PPARA: variants seen among roughly 807,000 people sequenced by gnomAD.
The protein encoded by PPARA is peroxisome proliferator activated receptor alpha.
PPARA carries 22 observed loss-of-function variants against 42.2 expected under a neutral mutation model. The ratio of observed to expected loss-of-function variants is 0.52; its 90% CI spans 0.37 to 0.74. The LOEUF (loss-of-function observed/expected upper bound fraction) is 0.74. Among genes scored for constraint, PPARA ranks in the 30% least tolerant of loss-of-function variants. The probability of loss-of-function intolerance (pLI) is 0.00; values close to 1 mark genes in which losing one functional copy is unlikely to be tolerated. For missense variants in PPARA, 465 were observed against 608.2 expected, an observed-to-expected ratio of 0.76 and a Z score of 2.48; for synonymous variants, 242 against 239.3, an observed-to-expected ratio of 1.01 and a Z score of -0.10.
rs1003821998 is a variant in PPARA, at chr22:46,216,441, G to T, written c.369+1108G>T. ...CCACATTAAGAACATCACTTCATTC[G>T]AATACAAGACAGAGAGCTGTTACCG... On this transcript the variant is annotated intron_variant, in intron 5 of 8. Coordinates refer to ENST00000407236, the MANE Select transcript of PPARA (RefSeq NM_005036.6). This position sits in a 1 kb window ranked among gnomAD's most constrained non-coding sequence, Gnocchi z 4.5. Among the ~76,000 whole-genome samples the T allele has an allele frequency of 6.6e-6, 1 of 151,824 alleles. No individual in the cohort carries two copies. The highest frequency in any genetic ancestry group is 1.5e-5 in the Non-Finnish European group (1 of 67,988).
rs1936423970 is a variant in PPARA at position 46,243,224 on chromosome 22, G to A, written c.*7844G>A. The A allele has an allele frequency of 6.6e-6, 1 of 152,242 alleles. No individual in the cohort carries two copies. Among genetic ancestry groups the A allele is most frequent in the South Asian group, 2.1e-4 (1 of 4,838 alleles). 9.4% of individuals were successfully genotyped at this position (152,242 alleles called of 1,614,324 possible). On this transcript the variant is annotated 3_prime_UTR_variant, in exon 9 of 9. Transcript: ENST00000407236. This position sits in a 1 kb window ranked among gnomAD's most constrained non-coding sequence, Gnocchi z 5.0. The stretch of plus-strand genomic sequence containing the variant: ...GCCATTAGGCTAAAACCCTAAGAGA[G>A]AGGGTTGACAGAAACACACGCGAGA...
chr22:46,197,676 C>A (rs369078364), intron 3 of PPARA, among the ~76,000 whole-genome samples: 2 of 151,724 alleles, frequency 1.3e-5, no homozygotes, highest in East Asian at 2.0e-4. Flanking sequence ...CCGAGGCGGG[C>A]GGATCACCTG....
chr22:46,174,257 G>GGAAT (rs1928627987), intron 2 of PPARA, among the ~76,000 whole-genome samples: 2 of 147,294 alleles, frequency 1.4e-5, no homozygotes, highest in Non-Finnish European at 3.0e-5. Flanking sequence ...AAAGAAGGAA[G>GGAAT]GAAGGAAGGA....
chr22:46,233,827 C>CTTT lies in PPARA; in HGVS notation c.1160-1294_1160-1292dup, dbSNP rs568892799. ...ATTTCTATTTTTCAAAAGATTCCTC[C>CTTT]TTTTTTTTTTTTTTGAGACAGAGTC... is the stretch of plus-strand genomic sequence containing the variant. On this transcript the variant is annotated intron_variant, in intron 8 of 8. Coordinates refer to ENST00000407236, the MANE Select transcript of PPARA (RefSeq NM_005036.6). This position sits in a 1 kb window ranked among gnomAD's most constrained non-coding sequence, Gnocchi z 7.3. 1.4e-5 allele frequency among the ~76,000 whole-genome samples: 2 copies of CTTT among 142,910 alleles called. No homozygotes were observed. Among genetic ancestry groups the CTTT allele is most frequent in the Non-Finnish European group, 3.1e-5 (2 of 65,030 alleles). The allele number at this position is 142,910 out of a possible 152,430, so 93.8% of individuals were successfully genotyped here. A position where few individuals can be genotyped will look rare whatever the true frequency, so the allele number is the denominator to read the frequency against.
chr22:46,228,216 T>A (rs4253767), intron 7 of PPARA, among the ~76,000 whole-genome samples: 6 of 152,226 alleles, frequency 3.9e-5, no homozygotes, highest in African/African-American at 1.2e-4. Context: ...CGCTGTTGCC[T>A]TCTTGAAATT....
rs1363674917 is a variant in PPARA at position 46,203,543 on chromosome 22, C to T, written c.208+4952C>T. On this transcript the variant is annotated intron_variant, in intron 4 of 8. Transcript: ENST00000407236. The surrounding 1 kb of genome is among the most constrained non-coding windows in gnomAD (Gnocchi z 5.8). ...GATGTAGAAATTTTGCTCCTTAGTTCGACTAAATCTGGGTTCTTGTGTCAT... is the reference window on the plus strand; with the variant it reads ...GATGTAGAAATTTTGCTCCTTAGTTTGACTAAATCTGGGTTCTTGTGTCAT... Among the ~76,000 whole-genome samples the T allele has an allele frequency of 1.3e-5, 2 of 152,100 alleles. No individual in the cohort carries two copies. The highest frequency in any genetic ancestry group is 2.9e-5 in the Non-Finnish European group (2 of 68,034).
In PPARA at chr22:46,224,975, G is replaced by A. The variant is rs947917693; in HGVS notation, c.711+4961G>A. 6.6e-6 allele frequency among the ~76,000 whole-genome samples: 1 copy of A among 151,830 alleles called. No individual in the cohort carries two copies. Among genetic ancestry groups the A allele is most frequent in the African/African-American group, 2.4e-5 (1 of 41,312 alleles). ...AGCTGGAACAGGCTAGAATGCTGGG[G>A]GGGGGCCTGAAACCGGTGGGGGAGT... On this transcript the variant is annotated intron_variant, in intron 7 of 8. Coordinates refer to ENST00000407236, the MANE Select transcript of PPARA (RefSeq NM_005036.6). This position sits in a 1 kb window ranked among gnomAD's most constrained non-coding sequence, Gnocchi z 5.7.
chr22:46,209,555 A>G (rs890788571), intron 4 of PPARA, among the ~76,000 whole-genome samples: 1 of 152,078 alleles, frequency 6.6e-6, no homozygotes, highest in African/African-American at 2.4e-5. Flanking sequence ...CTACATCTTC[A>G]AATTTACTAA....
At chr22:46,185,894 C>CAAA (rs1279499029) in intron 3 of PPARA, among the ~76,000 whole-genome samples, 4 of 20,856 alleles carry the variant, frequency 1.9e-4, no homozygotes, top group African/African-American at 1.1e-3. Context: ...GACTCCGTCT[C>CAAA]CAAAAAAAAA....
intron 7 of PPARA, among the ~76,000 whole-genome samples, chr22:46,229,106 CA>C (rs533415499): frequency 0.2 from 26,350 of 129,206 alleles, 2,995 homozygotes; most frequent in African/African-American, 0.34. Flanking sequence ...GACTCCATCT[CA>C]AAAAAAAAAA....
chr22:46,196,125 A>T lies in PPARA; in HGVS notation c.-42-2217A>T, dbSNP rs193017601. On this transcript the variant is annotated intron_variant, in intron 3 of 8. Coordinates refer to ENST00000407236, the MANE Select transcript of PPARA (RefSeq NM_005036.6). The surrounding 1 kb of genome is among the most constrained non-coding windows in gnomAD (Gnocchi z 5.6). ...TGGAAGGGCTGGGAACAGTGTGTTC[A>T]GGAGACTGGGCTTCAATCTGGAGGT... is the stretch of plus-strand genomic sequence containing the variant. Among the ~76,000 whole-genome samples the T allele has an allele frequency of 2.4e-4, 37 of 152,140 alleles. No homozygotes were observed. The East Asian group carries it at 7.2e-3, about 29-fold the overall frequency.
chr22:46,192,438 C>A lies in PPARA; in HGVS notation c.-42-5904C>A, dbSNP rs1343940059. Among the ~76,000 whole-genome samples the A allele has an allele frequency of 6.6e-6, 1 of 152,230 alleles. No homozygotes were observed. Among genetic ancestry groups the A allele is most frequent in the African/African-American group, 2.4e-5 (1 of 41,456 alleles). On this transcript the variant is annotated intron_variant, in intron 3 of 8. Coordinates refer to ENST00000407236, the MANE Select transcript of PPARA (RefSeq NM_005036.6). This position sits in a 1 kb window ranked among gnomAD's most constrained non-coding sequence, Gnocchi z 4.3. ...TTCCAGTGTTTGCACCTGCCCTGTG[C>A]TCGGGTAACATAAAACAGTGATATA... is the stretch of plus-strand genomic sequence containing the variant.
rs900672683 is a variant in PPARA, at chr22:46,163,302, A to G, written c.-127+11332A>G. 5.9e-5 allele frequency: 9 copies of G among 152,264 alleles called. No homozygotes were observed. Among genetic ancestry groups the G allele is most frequent in the African/African-American group, 1.9e-4 (8 of 41,478 alleles). 9.4% of individuals were successfully genotyped at this position (152,264 alleles called of 1,614,324 possible). The stretch of plus-strand genomic sequence containing the variant: ...TTCTCCTGATTATGATCTTAAAGGC[A>G]TTAAGCGCTCAAGTTAAACTCCTTG... On this transcript the variant is annotated intron_variant, in intron 2 of 8. Coordinates refer to ENST00000407236, the MANE Select transcript of PPARA (RefSeq NM_005036.6). This position sits in a 1 kb window ranked among gnomAD's most constrained non-coding sequence, Gnocchi z 4.9.
chr22:46,162,404 G>A lies in PPARA; in HGVS notation c.-127+10434G>A, dbSNP rs529699265. On this transcript the variant is annotated intron_variant, in intron 2 of 8. Transcript: ENST00000407236. The surrounding 1 kb of genome is among the most constrained non-coding windows in gnomAD (Gnocchi z 6.0). ...GTTCTTCTCGTGCACTGGGCGTGCC[G>A]GAGACACACTCCCTTACCCTCATAC... Among the ~76,000 whole-genome samples the A allele has an allele frequency of 1.9e-4, 29 of 152,206 alleles. No homozygotes were observed. Among genetic ancestry groups the A allele is most frequent in the African/African-American group, 6.7e-4 (28 of 41,544 alleles).
rs1929817582 is a variant in PPARA at position 46,180,633 on chromosome 22, T to C, written c.-43+3797T>C. ...TTTATTCTCACTTCTGTATGCCTGC[T>C]TCCTGCCTCACATATTTCCTGCCTC... On this transcript the variant is annotated intron_variant, in intron 3 of 8. Coordinates refer to ENST00000407236, the MANE Select transcript of PPARA (RefSeq NM_005036.6). This position sits in a 1 kb window ranked among gnomAD's most constrained non-coding sequence, Gnocchi z 4.2. Among the ~76,000 whole-genome samples, 2 of 152,226 alleles carry C rather than the reference T, an allele frequency of 1.3e-5. No homozygotes were observed. Among genetic ancestry groups the C allele is most frequent in the African/African-American group, 4.8e-5 (2 of 41,454 alleles).
rs910250947 is a variant in PPARA, at chr22:46,150,723, C to T, written c.-210+71C>T. ...TCCGCGGTCCGGGCTTCCCAGGTCC[C>T]GGGACCCGGAGGGCGGCGGACGGGG... On this transcript the variant is annotated intron_variant, in intron 1 of 8. Transcript: ENST00000407236. This position sits in a 1 kb window ranked among gnomAD's most constrained non-coding sequence, Gnocchi z 7.5. 4.8e-5 allele frequency: 7 copies of T among 145,058 alleles called. No homozygotes were observed. The highest frequency in any genetic ancestry group is 9.1e-5 in the Non-Finnish European group (6 of 66,094). 9.0% of individuals were successfully genotyped at this position (145,058 alleles called of 1,614,324 possible).
chr22:46,155,193 G>GT (rs1435562179), intron 2 of PPARA: 3 of 151,860 alleles, frequency 2.0e-5, no homozygotes, highest in Non-Finnish European at 4.4e-5. Flanking sequence ...TTTCTTTAAT[G>GT]TTTGTACTAA....
intron 4 of PPARA, among the ~76,000 whole-genome samples, chr22:46,207,689 T>A (rs868431433): frequency 9.7e-5 from 12 of 123,582 alleles, no homozygotes; most frequent in African/African-American, 2.8e-4. Flanking sequence ...TTTTTTTTTT[T>A]TTTTTTTTTT....
Position 46,211,811 on chromosome 22 carries a change from G to A in PPARA, c.209-3362G>A, listed in dbSNP as rs750712513. ...AGCCATTCTGCTGCCTCAGCTTCCC[G>A]AGTAGCTGGGACTACAGGCACGCAC... On this transcript the variant is annotated intron_variant, in intron 4 of 8. Coordinates refer to ENST00000407236, the MANE Select transcript of PPARA (RefSeq NM_005036.6). The surrounding 1 kb of genome is among the most constrained non-coding windows in gnomAD (Gnocchi z 4.1). 6.6e-6 allele frequency among the ~76,000 whole-genome samples: 1 copy of A among 151,284 alleles called. No homozygotes were observed. Among genetic ancestry groups the A allele is most frequent in the East Asian group, 2.0e-4 (1 of 5,066 alleles).
Sources: allele counts gnomAD v4.1 joint callset (sites outside exome capture counted in the v4.1 genomes callset), GRCh38; gene constraint gnomAD v4.1.1; non-coding constraint Gnocchi (gnomAD v3.1); transcripts MANE v1.5; gene names NCBI Gene and HGNC (gene_info 2026-07-23, HGNC 2026-07-21).